TPD52L1: variants seen among roughly 807,000 people sequenced by gnomAD.
TPD52L1 encodes tumor protein D53.
In TPD52L1, 18 loss-of-function variants were observed where a neutral mutation model predicts 28.7. The observed-to-expected ratio is 0.63, with a 90% CI of 0.43 to 0.93. The LOEUF is 0.93. Among genes scored for constraint, TPD52L1 ranks in the 40% least tolerant of loss-of-function variants. TPD52L1 has a pLI of 0.00. For missense variants in TPD52L1, 203 were observed against 254.8 expected (o/e 0.80, Z 1.39); for synonymous variants, 75 against 88.8 (o/e 0.84, Z 0.88).
chr6:125,262,971 A>G lies in TPD52L1; in HGVS notation c.*9A>G. ...AGGAGCTGCAGTGCTAAGTCCAGCC[A>G]GCGTGCAGCTGCATCCAGAAACCGG... On this transcript the variant is annotated 3_prime_UTR_variant, in exon 7 of 7. Coordinates refer to ENST00000534000, the MANE Select transcript of TPD52L1 (RefSeq NM_003287.4). The G allele has an allele frequency of 6.2e-7, 1 of 1,611,312 alleles. No homozygotes were observed. Among genetic ancestry groups the G allele is most frequent in the East Asian group, 2.2e-5 (1 of 44,778 alleles).
At chr6:125,247,072 T>G (rs1796961699) in intron 3 of TPD52L1, among the ~76,000 whole-genome samples, 1 of 152,064 alleles carries the variant, frequency 6.6e-6, no homozygotes, top group East Asian at 1.9e-4. Context: ...AAATATTCAC[T>G]AGAGCCTGAG....
intron 6 of TPD52L1, chr6:125,260,332 A>G (rs1016780303): frequency 6.6e-6 from 1 of 152,228 alleles, no homozygotes; most frequent in Non-Finnish European, 1.5e-5. Context: ...AGGAAGATCA[A>G]TGCTCTGCCA....
intron 2 of TPD52L1, among the ~76,000 whole-genome samples, chr6:125,221,640 G>A (rs1271553052): frequency 6.6e-6 from 1 of 152,120 alleles, no homozygotes; most frequent in Admixed American, 6.5e-5. Flanking sequence ...TCAACAGTGA[G>A]CATGATACTA....
chr6:125,241,179 C>G (rs931573501), intron 3 of TPD52L1, among the ~76,000 whole-genome samples: 3 of 152,110 alleles, frequency 2.0e-5, no homozygotes, highest in Non-Finnish European at 2.9e-5. Context: ...ATGAAATCCA[C>G]TTGATCATGG....
intron 3 of TPD52L1, among the ~76,000 whole-genome samples, chr6:125,243,591 A>G (rs1486781573): frequency 6.6e-6 from 1 of 151,958 alleles, no homozygotes; most frequent in Non-Finnish European, 1.5e-5. Flanking sequence ...CTATTGTTGA[A>G]ACTTTCCACT....
chr6:125,208,857 G>C, intron 1 of TPD52L1: 1 of 973,526 alleles, frequency 1.0e-6, no homozygotes, highest in Middle Eastern at 5.3e-4. Flanking sequence ...GGAGAGTCTG[G>C]GTCCTGAGCC....
At chr6:125,193,970 C>G (rs1409659899) in intron 1 of TPD52L1, among the ~76,000 whole-genome samples, 1 of 148,450 alleles carries the variant, frequency 6.7e-6, no homozygotes, top group Non-Finnish European at 1.5e-5. Flanking sequence ...CAAGTCTCTT[C>G]AATCATAATG....
chr6:125,158,827 C>T (rs570962), intron 1 of TPD52L1, among the ~76,000 whole-genome samples: 9,824 of 152,158 alleles, frequency 0.065, 802 homozygotes, highest in African/African-American at 0.2. Flanking sequence ...TGGAATACAG[C>T]GAGTCACACA....
At chr6:125,253,638 G>T in intron 4 of TPD52L1, 79 bp from the exon 5 acceptor site, 4 of 1,267,300 alleles carry the variant, frequency 3.2e-6, no homozygotes, top group Non-Finnish European at 4.5e-6. Flanking sequence ...TTAGAACTAC[G>T]AATAGGGAGT....
intron 1 of TPD52L1, among the ~76,000 whole-genome samples, chr6:125,219,655 C>A (rs1288537261): frequency 6.6e-6 from 1 of 152,176 alleles, no homozygotes; most frequent in Non-Finnish European, 1.5e-5. Context: ...GTATTTATTT[C>A]TAGTTCACCT....
intron 6 of TPD52L1, among the ~76,000 whole-genome samples, chr6:125,258,217 T>G (rs568527981): frequency 6.6e-6 from 1 of 152,218 alleles, no homozygotes; most frequent in South Asian, 2.1e-4. Context: ...AATTAGGTGT[T>G]TAAGGCCCAG....
intron 1 of TPD52L1, among the ~76,000 whole-genome samples, chr6:125,219,254 G>A (rs1352075564): frequency 1.3e-5 from 2 of 152,096 alleles, no homozygotes; most frequent in African/African-American, 4.8e-5. Context: ...GCCCTACCAG[G>A]GAACTTCTTT....
intron 1 of TPD52L1, among the ~76,000 whole-genome samples, chr6:125,167,401 T>C (rs115691348): frequency 4.1e-4 from 62 of 152,350 alleles, no homozygotes; most frequent in African/African-American, 1.5e-3. Context: ...ACCTGTTTAC[T>C]CTTGGCCTAC....
chr6:125,172,168 T>G (rs1358479342), intron 1 of TPD52L1, among the ~76,000 whole-genome samples: 2 of 116,192 alleles, frequency 1.7e-5, no homozygotes, highest in African/African-American at 6.9e-5. Flanking sequence ...TTTCTTTCTT[T>G]CTTTCTTTCT....
intron 1 of TPD52L1, among the ~76,000 whole-genome samples, chr6:125,201,835 C>T (rs1406151198): frequency 6.6e-6 from 1 of 152,178 alleles, no homozygotes; most frequent in African/African-American, 2.4e-5. Flanking sequence ...GACTCAGAAA[C>T]ACATATTTCC....
rs760514773 is a variant in TPD52L1, at chr6:125,229,180, G to C, written c.198G>C (p.Glu66Asp). 27 of 1,613,566 alleles carry C rather than the reference G, an allele frequency of 1.7e-5. No individual in the cohort carries two copies. Among genetic ancestry groups the C allele is most frequent in the Non-Finnish European group, 2.2e-5 (26 of 1,179,778 alleles). ...VLSAKERHLV[E>D]IKQKLGMNLM... The stretch of plus-strand genomic sequence containing the variant: ...CAGCGAAAGAAAGGCATCTAGTTGA[G>C]ATAAAACAAAAACTCGGCATGAACC... The change falls in exon 3 of 7, where the codon GAG becomes GAC. Residue 66 changes from glutamate to aspartate, a missense_variant. By Grantham distance (45) the Glu-to-Asp change is conservative. Coordinates refer to ENST00000534000, the MANE Select transcript of TPD52L1 (RefSeq NM_003287.4).
rs563589546 is a variant in TPD52L1 at position 125,240,100 on chromosome 6, T to C, written c.285-8182T>C. On this transcript the variant is annotated intron_variant, in intron 3 of 6. Transcript: ENST00000534000. Reference sequence around the variant, plus strand: ...AATAGGGTGTCCTTTCCCCACTTTATGTTTTTGTTTGCTTTGCCAAAGATC... The same window carrying C: ...AATAGGGTGTCCTTTCCCCACTTTACGTTTTTGTTTGCTTTGCCAAAGATC... 2.5e-3 allele frequency among the ~76,000 whole-genome samples: 388 copies of C among 152,274 alleles called. 3 individuals carry two copies. The highest frequency in any genetic ancestry group is 3.3e-3 in the Non-Finnish European group (226 of 68,008).
At chr6:125,204,631 C>T (rs148270276) in intron 1 of TPD52L1, among the ~76,000 whole-genome samples, 3,297 of 152,148 alleles carry the variant, frequency 0.022, 50 homozygotes, top group Non-Finnish European at 0.031. Context: ...AGGCGCCCGC[C>T]GTCACGCCCG....
At chr6:125,191,390 C>T (rs1416414871) in intron 1 of TPD52L1, among the ~76,000 whole-genome samples, 1 of 152,170 alleles carries the variant, frequency 6.6e-6, no homozygotes, top group Non-Finnish European at 1.5e-5. Context: ...AGAGTCCAAA[C>T]GTTTTTTTCC....
Sources: allele counts gnomAD v4.1 joint callset (sites outside exome capture counted in the v4.1 genomes callset), GRCh38; gene constraint gnomAD v4.1.1; transcripts MANE v1.5; gene names NCBI Gene and HGNC (gene_info 2026-07-23, HGNC 2026-07-21).